KIF14: variants seen among roughly 807,000 people sequenced by gnomAD.
KIF14 encodes kinesin-like protein KIF14.
A neutral mutation model predicts 176.2 loss-of-function variants in KIF14; 98 were observed. The observed-to-expected ratio is 0.56, with a 90% CI of 0.47 to 0.66. The LOEUF (loss-of-function observed/expected upper bound fraction) is 0.66. Ranked by LOEUF, KIF14 falls within the 30% of genes least tolerant of loss-of-function variation. The pLI is 0.00. For synonymous variants in KIF14, 566 were observed against 632.2 expected (o/e 0.90, Z 1.57); for missense variants, 1,751 against 1,920.4 (o/e 0.91, Z 1.65).
chr1:200,567,083 A>T (rs1657497994), intron 23 of KIF14, among the ~76,000 whole-genome samples: 1 of 151,756 alleles, frequency 6.6e-6, no homozygotes. Flanking sequence ...CTGAGGCAGG[A>T]GAATCACTTG....
chr1:200,585,997 T>C (rs954055066), intron 19 of KIF14, 104 bp downstream of exon 19: 10 of 743,788 alleles, frequency 1.3e-5, no homozygotes, highest in African/African-American at 1.1e-4. Context: ...TAGAATAAAG[T>C]ATTTTGAATA....
At chr1:200,577,155 C>CAA (rs35218358) in intron 21 of KIF14, among the ~76,000 whole-genome samples, 16 of 137,680 alleles carry the variant, frequency 1.2e-4, no homozygotes, top group African/African-American at 2.9e-4. Context: ...ACTAAAAATA[C>CAA]AAAAAAAAAA....
At chr1:200,597,261 TTCAA>T (rs1659399866) in intron 14 of KIF14, among the ~76,000 whole-genome samples, 1 of 152,036 alleles carries the variant, frequency 6.6e-6, no homozygotes, top group African/African-American at 2.4e-5. Flanking sequence ...AATTAAGAAC[TTCAA>T]TCAATCAAAG....
intron 22 of KIF14, among the ~76,000 whole-genome samples, chr1:200,574,362 A>G (rs1442610520): frequency 6.6e-6 from 1 of 152,154 alleles, no homozygotes; most frequent in Non-Finnish European, 1.5e-5. Flanking sequence ...CAGTCACCCA[A>G]TTTAAAACCA....
Position 200,601,920 on chromosome 1 carries a change from C to G in KIF14, c.2128G>C (p.Asp710His). 3 of 1,609,184 alleles carry G rather than the reference C, an allele frequency of 1.9e-6. No homozygotes were observed. The highest frequency in any genetic ancestry group is 2.5e-6 in the Non-Finnish European group (3 of 1,178,336). The change falls in exon 11 of 30, where the codon GAT becomes CAT. Residue 710 changes from aspartate (D) to histidine (H), a missense_variant. By Grantham distance (81) the Asp-to-His change is moderately conservative (BLOSUM62 -1). Coordinates refer to ENST00000367350, the MANE Select transcript of KIF14 (RefSeq NM_014875.3). ...LIVNIAKVNE[D>H]MNAKLIRELK... Reference sequence around the variant, plus strand: ...CCTCTAATTAACTTAGCGTTCATATCTTCATTTACTTTAGCAATGTTGACT... The same window carrying G: ...CCTCTAATTAACTTAGCGTTCATATGTTCATTTACTTTAGCAATGTTGACT...
Position 200,565,084 on chromosome 1 carries a change from T to C in KIF14, c.4056A>G (p.Leu1352=), listed in dbSNP as rs1018789094. The C allele has an allele frequency of 6.2e-7, 1 of 1,608,008 alleles. No individual in the cohort carries two copies. Among genetic ancestry groups the C allele is most frequent in the African/African-American group, 1.3e-5 (1 of 74,752 alleles). The change falls in exon 25 of 30, where the codon TTA becomes TTG. Residue 1352 remains leucine, a synonymous_variant. Transcript: ENST00000367350. ...RQEVKKLGGY[L]QLFLQGCCLD... Reference sequence around the variant, plus strand: ...ATCAATTTACCTGCAAAAATAACTGTAAGTAGCCTCCCAGTTTTTTAACTT... The same window carrying C: ...ATCAATTTACCTGCAAAAATAACTGCAAGTAGCCTCCCAGTTTTTTAACTT...
At chr1:200,617,376 A>C (rs1412657992) in intron 2 of KIF14, among the ~76,000 whole-genome samples, 1 of 152,272 alleles carries the variant, frequency 6.6e-6, no homozygotes, top group Non-Finnish European at 1.5e-5. Context: ...TTTAAAAGCA[A>C]TATATCTAGA....
intron 21 of KIF14, among the ~76,000 whole-genome samples, chr1:200,577,755 G>A (rs537811386): frequency 7.0e-6 from 1 of 143,822 alleles, no homozygotes; most frequent in South Asian, 2.4e-4. Context: ...TCTCTTCTGA[G>A]CTATCTTTTC....
At chr1:200,603,978 T>A in intron 8 of KIF14, 23 bp from the exon 9 acceptor site, 1 of 1,407,572 alleles carries the variant, frequency 7.1e-7, no homozygotes, top group South Asian at 1.2e-5. Flanking sequence ...GATATTAAAT[T>A]AAATTAAGTT....
rs1656607064 is a variant in KIF14, at chr1:200,552,905, T to TG, written c.*482_*483insC. On this transcript the variant is annotated 3_prime_UTR_variant, in exon 30 of 30. Coordinates refer to ENST00000367350, the MANE Select transcript of KIF14 (RefSeq NM_014875.3). Reference sequence around the variant, plus strand: ...ATACCAATGTTAAACACTTTAAAGATAAAAATATATTTTATTTATTTATTT... The same window carrying TG: ...ATACCAATGTTAAACACTTTAAAGATGAAAAATATATTTTATTTATTTATTT... 1 of 98,932 alleles carries TG rather than the reference T, an allele frequency of 1.0e-5. No individual in the cohort carries two copies. The highest frequency in any genetic ancestry group is 1.1e-4 in the Admixed American group (1 of 8,888). The allele number at this position is 98,932 out of a possible 1,614,324, so 6.1% of individuals were successfully genotyped here.
intron 4 of KIF14, among the ~76,000 whole-genome samples, chr1:200,611,222 G>C (rs1160719795): frequency 6.6e-6 from 1 of 152,174 alleles, no homozygotes; most frequent in African/African-American, 2.4e-5. Context: ...GAAGCTTCAA[G>C]GGAGTGTCAA....
chr1:200,608,545 T>G (rs1354880682), intron 5 of KIF14, among the ~76,000 whole-genome samples: 1 of 152,086 alleles, frequency 6.6e-6, no homozygotes, highest in Non-Finnish European at 1.5e-5. Context: ...TGTATTTTAG[T>G]AGAGACAGGG....
intron 13 of KIF14, 73 bp downstream of exon 13, chr1:200,599,977 G>T: frequency 2.4e-6 from 2 of 850,504 alleles, no homozygotes; most frequent in Non-Finnish European, 3.8e-6. Flanking sequence ...TACATGCATT[G>T]GCATATTGGC....
At chr1:200,578,983 C>A (rs989233949) in intron 21 of KIF14, among the ~76,000 whole-genome samples, 1 of 152,056 alleles carries the variant, frequency 6.6e-6, no homozygotes, top group African/African-American at 2.4e-5. Flanking sequence ...CCCAGCTACT[C>A]AGGCGGCTGA....
chr1:200,554,306 G>A lies in KIF14; in HGVS notation c.4567+162C>T, dbSNP rs183237709. Among the ~76,000 whole-genome samples the A allele has an allele frequency of 6.6e-5, 10 of 152,056 alleles. No homozygotes were observed. The East Asian group carries it at 1.4e-3, about 21-fold the overall frequency. ...CTTGGGAGGCTGAGGCAGGAGAATC[G>A]CTTGAACCCAGGAGTCGGAGGTTGC... On this transcript the variant is annotated intron_variant, in intron 29 of 29. Coordinates refer to ENST00000367350, the MANE Select transcript of KIF14 (RefSeq NM_014875.3).
At chr1:200,592,957 T>G (rs1239425241) in intron 15 of KIF14, among the ~76,000 whole-genome samples, 2 of 152,208 alleles carry the variant, frequency 1.3e-5, no homozygotes, top group Non-Finnish European at 2.9e-5. Context: ...TATTATAATC[T>G]TATGGGACCA....
rs773333078 is a variant in KIF14, at chr1:200,565,567, T to C, written c.3764A>G (p.Gln1255Arg). ...LIGSSLDFFGQSYDEERTIAD... is the reference protein window; with the variant it reads ...LIGSSLDFFGRSYDEERTIAD... ...TATAGTTCTTTCTTCATCATAACTC[T>C]GTCCAAAAAAATCTAACGAAGAACC... The change falls in exon 24 of 30, where the codon CAG becomes CGG. Residue 1255 changes from glutamine (Q) to arginine (R), a missense_variant. Coordinates refer to ENST00000367350, the MANE Select transcript of KIF14 (RefSeq NM_014875.3). The C allele has an allele frequency of 6.2e-7, 1 of 1,611,744 alleles. No individual in the cohort carries two copies. The highest frequency in any genetic ancestry group is 1.1e-5 in the South Asian group (1 of 90,360).
At chr1:200,597,916 A>C (rs1447033287) in intron 14 of KIF14, among the ~76,000 whole-genome samples, 1 of 152,176 alleles carries the variant, frequency 6.6e-6, no homozygotes, top group Non-Finnish European at 1.5e-5. Context: ...GGTCAATCCA[A>C]CCAAAAATTC....
intron 4 of KIF14, 58 bp downstream of exon 4, chr1:200,614,260 A>T: frequency 1.1e-6 from 1 of 917,092 alleles, no homozygotes. Context: ...ACTGATTTGA[A>T]CTTGATTTGA....
Sources: gnomAD v4.1 joint callset for allele counts (sites outside exome capture counted in the v4.1 genomes callset) on GRCh38, gnomAD v4.1.1 for gene constraint, MANE v1.5 for transcripts, NCBI Gene and HGNC (gene_info 2026-07-23, HGNC 2026-07-21) for gene names.